NLGN4X: variants seen among roughly 807,000 people sequenced by gnomAD.
NLGN4X encodes the protein neuroligin-4, X-linked.
In NLGN4X, 3 loss-of-function variants were observed where a neutral mutation model predicts 40.3. That is an observed-to-expected ratio of 0.07 (90% CI 0.03 to 0.19). The LOEUF is 0.19. NLGN4X is among the 10% of genes least tolerant of loss of function. NLGN4X has a pLI of 1.00. For missense variants in NLGN4X, 382 were observed against 708.3 expected (o/e 0.54, Z 5.23); for synonymous variants, 270 against 306.8 (o/e 0.88, Z 1.25).
At chrX:5,939,222 C>G (rs766389414) in intron 3 of NLGN4X, among the ~76,000 whole-genome samples, 25 of 110,993 alleles carry the variant, frequency 2.3e-4, no homozygotes, top group Admixed American at 8.7e-4. Flanking sequence ...TGGGAACAGT[C>G]TGATAGGAAA....
At chrX:6,043,023 C>T (rs1184597572) in intron 2 of NLGN4X, among the ~76,000 whole-genome samples, 1 of 106,312 alleles carries the variant, frequency 9.4e-6, no homozygotes, top group Non-Finnish European at 1.9e-5. Flanking sequence ...CTGCAGTGAG[C>T]CAAGATCACG....
intron 3 of NLGN4X, among the ~76,000 whole-genome samples, chrX:5,993,640 C>T (rs1030704581): frequency 2.7e-5 from 3 of 112,241 alleles, no homozygotes; most frequent in Non-Finnish European, 5.6e-5. Flanking sequence ...CCATACTTGG[C>T]CCATCAGCCT....
At chrX:6,013,719 G>A (rs1275401576) in intron 3 of NLGN4X, among the ~76,000 whole-genome samples, 2 of 110,285 alleles carry the variant, frequency 1.8e-5, no homozygotes, top group African/African-American at 6.6e-5. Flanking sequence ...TTAGCTGGGC[G>A]TGGTGGTGCA....
intron 2 of NLGN4X, among the ~76,000 whole-genome samples, chrX:6,033,995 G>C (rs754610755): frequency 8.0e-5 from 9 of 112,332 alleles, no homozygotes; most frequent in Non-Finnish European, 1.7e-4. Flanking sequence ...TCCAACACTT[G>C]TGAATGGAAA....
chrX:6,161,056 G>A (rs1411773751), intron 1 of NLGN4X, among the ~76,000 whole-genome samples: 1 of 90,435 alleles, frequency 1.1e-5, no homozygotes, highest in Non-Finnish European at 2.1e-5. Flanking sequence ...ATATAATATA[G>A]GATATAAAAT....
chrX:6,039,678 A>G (rs1237776968), intron 2 of NLGN4X, among the ~76,000 whole-genome samples: 1 of 112,309 alleles, frequency 8.9e-6, no homozygotes, highest in East Asian at 2.8e-4. Flanking sequence ...CACTTTGATG[A>G]GTATAAAATA....
At position 6,030,393 on chromosome X, in the gene NLGN4X, TA is replaced by T. The variant is rs760133407; in HGVS notation, c.473-962del. On this transcript the variant is annotated intron_variant, in intron 2 of 5. Transcript: ENST00000381095. ...ACGTATAAATATTTCTGGATACAGATATGTGTGTGTGTGTGTGTGTGTGTGT... is the reference window on the plus strand; with the variant it reads ...ACGTATAAATATTTCTGGATACAGATTGTGTGTGTGTGTGTGTGTGTGTGT... Among the ~76,000 whole-genome samples, 18 of 28,881 alleles carry T rather than the reference TA, an allele frequency of 6.2e-4. No homozygotes were observed. The East Asian group carries it at 0.035, about 56-fold the overall frequency. 25.1% of individuals were successfully genotyped at this position (28,881 alleles called of 115,157 possible).
chrX:5,971,827 C>T (rs2035028431), intron 3 of NLGN4X, among the ~76,000 whole-genome samples: 1 of 111,329 alleles, frequency 9.0e-6, no homozygotes, highest in Admixed American at 9.6e-5. Flanking sequence ...ATAAGAGGGA[C>T]AACAGTATTA....
intron 3 of NLGN4X, chrX:5,991,548 T>C: frequency 2.0e-6 from 1 of 505,017 alleles, no homozygotes; most frequent in East Asian, 3.7e-5. Flanking sequence ...ATAGGACAGG[T>C]GAGGGCCTGA....
rs745401664 is a variant in NLGN4X, at chrX:6,074,525, T to C, written c.473-45093A>G. On this transcript the variant is annotated intron_variant, in intron 2 of 5. Coordinates refer to ENST00000381095, the MANE Select transcript of NLGN4X (RefSeq NM_181332.3). The stretch of plus-strand genomic sequence containing the variant: ...CATCCAACTGCCAGGAAAACAGAGC[T>C]AGACAGTCAAGCAGAGGTCAGATTA... Among the ~76,000 whole-genome samples, 3 of 111,938 alleles carry C rather than the reference T, an allele frequency of 2.7e-5. No homozygotes were observed. In the South Asian group the frequency reaches 1.1e-3, roughly 42 times the overall value.
intron 2 of NLGN4X, among the ~76,000 whole-genome samples, chrX:6,108,287 C>T (rs2147517847): frequency 8.9e-6 from 1 of 112,239 alleles, no homozygotes; most frequent in Non-Finnish European, 1.9e-5. Context: ...CATTTTCCAA[C>T]AGAACTTAAG....
At chrX:6,082,956 C>CA (rs2038396280) in intron 2 of NLGN4X, among the ~76,000 whole-genome samples, 1 of 45,983 alleles carries the variant, frequency 2.2e-5, no homozygotes, top group Admixed American at 2.9e-4. Context: ...GCGTTTTTTT[C>CA]TTTTTTTTTT....
intron 2 of NLGN4X, 42 bp from the exon 3 acceptor site, chrX:6,029,474 C>T (rs2036797789): frequency 1.7e-6 from 2 of 1,152,756 alleles, no homozygotes; most frequent in African/African-American, 1.8e-5. Flanking sequence ...TAAAGAATCA[C>T]ACTGACTCAC....
intron 1 of NLGN4X, among the ~76,000 whole-genome samples, chrX:6,156,815 A>G (rs1313308985): frequency 3.6e-5 from 4 of 109,613 alleles, no homozygotes; most frequent in Non-Finnish European, 7.6e-5. Context: ...CATCCAATAC[A>G]CCCAGGTAAA....
chrX:6,166,168 C>T (rs1342300695), intron 1 of NLGN4X, among the ~76,000 whole-genome samples: 5 of 112,486 alleles, frequency 4.4e-5, no homozygotes, highest in East Asian at 2.8e-4. Context: ...GTGACTATTA[C>T]GAACCTCTTA....
Position 6,217,994 on chromosome X carries a change from T to C in NLGN4X, c.-306+10547A>G, listed in dbSNP as rs551708809. On this transcript the variant is annotated intron_variant, in intron 1 of 5. Transcript: ENST00000381095. ...TTCTAAATGTCTTGTCTACTTCTCA[T>C]TGGTTCTGATGCACTAAGTCTATCC... Among the ~76,000 whole-genome samples, 41 of 112,207 alleles carry C rather than the reference T, an allele frequency of 3.7e-4. No homozygotes were observed. The South Asian group carries it at 0.015, about 40-fold the overall frequency.
chrX:6,201,053 C>T (rs1222288934), intron 1 of NLGN4X, among the ~76,000 whole-genome samples: 1 of 110,896 alleles, frequency 9.0e-6, no homozygotes, highest in Non-Finnish European at 1.9e-5. Flanking sequence ...TCTCACAGCC[C>T]TCAACAGCTG....
At chrX:6,192,794 C>T (rs1032551204) in intron 1 of NLGN4X, among the ~76,000 whole-genome samples, 4 of 112,184 alleles carry the variant, frequency 3.6e-5, no homozygotes, top group Non-Finnish European at 7.5e-5. Flanking sequence ...CCATGCATGA[C>T]TCACCTGGGC....
intron 3 of NLGN4X, among the ~76,000 whole-genome samples, chrX:6,016,540 A>G (rs1353084880): frequency 1.8e-5 from 2 of 112,132 alleles, no homozygotes; most frequent in African/African-American, 3.2e-5. Context: ...TGGTACACCT[A>G]TTTTGGAAAA....
Sources: gnomAD v4.1 joint callset for allele counts (sites outside exome capture counted in the v4.1 genomes callset) on GRCh38, gnomAD v4.1.1 for gene constraint, MANE v1.5 for transcripts, NCBI Gene and HGNC (gene_info 2026-07-23, HGNC 2026-07-21) for gene names.